The following DYNC1LI1 variants were observed in gnomAD, a reference collection of about 807,000 sequenced individuals.
The protein encoded by DYNC1LI1 is dynein cytoplasmic 1 light intermediate chain 1.
Under a neutral mutation model 63.8 loss-of-function variants are expected in DYNC1LI1, and 19 were observed. That is an observed-to-expected ratio of 0.30 (90% confidence interval 0.21 to 0.44). DYNC1LI1 has a LOEUF of 0.44. Among genes scored for constraint, DYNC1LI1 ranks in the 20% least tolerant of loss-of-function variants. The probability of loss-of-function intolerance (pLI) is 1.00; values close to 1 mark genes in which losing one functional copy is unlikely to be tolerated. For missense variants in DYNC1LI1, 565 were observed against 630.2 expected (o/e 0.90, Z 1.11); for synonymous variants, 225 against 232.3 (o/e 0.97, Z 0.28).
In DYNC1LI1 at chr3:32,545,638, C is replaced by T. The variant is rs919369991; in HGVS notation, c.337+211G>A. ...GTATGGTAGGAAAGAAGTATCTGCA[C>T]ACCAGGATACCTTAAGATGCTTAAA... On this transcript the variant is annotated intron_variant, in intron 3 of 12. Transcript: ENST00000273130. 1.5e-5 allele frequency: 8 copies of T among 536,072 alleles called. No homozygotes were observed. The Admixed American group carries it at 1.8e-4, about 12-fold the overall frequency. 33.2% of individuals were successfully genotyped at this position (536,072 alleles called of 1,614,324 possible). A position where few individuals can be genotyped will look rare whatever the true frequency, so the allele number is the denominator to read the frequency against.
Position 32,570,365 on chromosome 3 carries a change from C to T in DYNC1LI1, c.201G>A (p.Gly67=), listed in dbSNP as rs1698329904. ...ACTTACCCAGCAGTAGCACGTTCTTCCCCGCAGGGAGCTTGGAGCGCGAGC... is the reference window on the plus strand; with the variant it reads ...ACTTACCCAGCAGTAGCACGTTCTTTCCCGCAGGGAGCTTGGAGCGCGAGC... The part of the protein sequence containing the change: ...STRSRSKLPA[G]KNVLLLGEDG... The change falls in exon 2 of 13, where the codon GGG becomes GGA. Residue 67 remains glycine, a synonymous_variant. Coordinates refer to ENST00000273130, the MANE Select transcript of DYNC1LI1 (RefSeq NM_016141.4). 8 of 1,604,268 alleles carry T rather than the reference C, an allele frequency of 5.0e-6. No homozygotes were observed. The highest frequency in any genetic ancestry group is 6.8e-6 in the Non-Finnish European group (8 of 1,176,232).
intron 7 of DYNC1LI1, among the ~76,000 whole-genome samples, chr3:32,533,392 G>A (rs1478628266): frequency 1.3e-5 from 2 of 152,112 alleles, no homozygotes; most frequent in East Asian, 1.9e-4. Flanking sequence ...CAGGAGAATC[G>A]CTTGAGCCTG....
intron 5 of DYNC1LI1, among the ~76,000 whole-genome samples, chr3:32,537,983 A>AATATATATATAATTTATATAT (rs1697811546): frequency 1.7e-4 from 4 of 23,422 alleles, no homozygotes; most frequent in African/African-American, 2.8e-4. Context: ...TTTATATATA[A>AATATATATATAATTTATATAT]TATATATATA....
intron 2 of DYNC1LI1, among the ~76,000 whole-genome samples, chr3:32,558,402 G>GT (rs1382678132): frequency 5.9e-5 from 3 of 51,180 alleles, no homozygotes; most frequent in South Asian, 5.7e-4. Flanking sequence ...CTTTAAAAAT[G>GT]TAAAAAAAAA....
intron 6 of DYNC1LI1, among the ~76,000 whole-genome samples, chr3:32,535,885 G>A (rs544821577): frequency 1.8e-4 from 28 of 152,194 alleles, no homozygotes; most frequent in Non-Finnish European, 4.4e-5. Context: ...ACATTTTTAA[G>A]TATAGCATTA....
In DYNC1LI1 at chr3:32,534,493, A is replaced by G; in HGVS notation, c.968+18T>C. 6.5e-7 allele frequency: 1 copy of G among 1,531,788 alleles called. No homozygotes were observed. Among genetic ancestry groups the G allele is most frequent in the Non-Finnish European group, 8.9e-7 (1 of 1,123,896 alleles). 94.9% of individuals were successfully genotyped at this position (1,531,788 alleles called of 1,614,324 possible). A position where few individuals can be genotyped will look rare whatever the true frequency, so the allele number is the denominator to read the frequency against. ...GCAATAATACATGATAAAATTATATATTTAAGAGTACACTTACATAAATAC... is the reference window on the plus strand; with the variant it reads ...GCAATAATACATGATAAAATTATATGTTTAAGAGTACACTTACATAAATAC... On this transcript the variant is annotated intron_variant, in intron 7 of 12. Transcript: ENST00000273130.
intron 2 of DYNC1LI1, among the ~76,000 whole-genome samples, chr3:32,546,762 G>A (rs1319447464): frequency 6.6e-6 from 1 of 152,100 alleles, no homozygotes; most frequent in Admixed American, 6.6e-5. Flanking sequence ...GTGACCTTTA[G>A]CAGAACCATG....
intron 6 of DYNC1LI1, among the ~76,000 whole-genome samples, chr3:32,536,425 A>G (rs571557673): frequency 6.6e-6 from 1 of 152,120 alleles, no homozygotes; most frequent in African/African-American, 2.4e-5. Context: ...TTTTCTCCCT[A>G]TTTTAGCTGT....
Position 32,570,836 on chromosome 3 carries a change from G to T in DYNC1LI1, c.-66C>A. ...GCGAGGCGGCTGAGGCGGTGGCGGTGGAGGCGGCGGGAACCCGGATATGGG... is the reference window on the plus strand; with the variant it reads ...GCGAGGCGGCTGAGGCGGTGGCGGTTGAGGCGGCGGGAACCCGGATATGGG... On this transcript the variant is annotated 5_prime_UTR_variant, in exon 1 of 13. Transcript: ENST00000273130. 1.3e-6 allele frequency: 2 copies of T among 1,532,940 alleles called. No individual in the cohort carries two copies. The highest frequency in any genetic ancestry group is 2.5e-5 in the East Asian group (1 of 40,702). 95.0% of individuals were successfully genotyped at this position (1,532,940 alleles called of 1,614,324 possible).
At chr3:32,557,829 T>C (rs1156342483) in intron 2 of DYNC1LI1, among the ~76,000 whole-genome samples, 1 of 152,208 alleles carries the variant, frequency 6.6e-6, no homozygotes, top group Non-Finnish European at 1.5e-5. Context: ...GCTTTAAGAC[T>C]GGCAGCCAAA....
chr3:32,565,047 G>A (rs1457439769), intron 2 of DYNC1LI1, among the ~76,000 whole-genome samples: 5 of 152,136 alleles, frequency 3.3e-5, no homozygotes, highest in African/African-American at 1.2e-4. Flanking sequence ...ACTTTTGGCT[G>A]CATATTACCG....
At chr3:32,563,073 A>C (rs1559445083) in intron 2 of DYNC1LI1, among the ~76,000 whole-genome samples, 1 of 152,064 alleles carries the variant, frequency 6.6e-6, no homozygotes. Flanking sequence ...TCTTCCCCAC[A>C]GGAGATTATA....
chr3:32,527,950 G>A (rs1221426308), intron 12 of DYNC1LI1, among the ~76,000 whole-genome samples: 5 of 150,920 alleles, frequency 3.3e-5, no homozygotes, highest in African/African-American at 7.3e-5. Context: ...GTGAAACACC[G>A]TTTCTACTAA....
chr3:32,535,789 C>T (rs1433583840), intron 6 of DYNC1LI1, among the ~76,000 whole-genome samples: 1 of 152,136 alleles, frequency 6.6e-6, no homozygotes, highest in African/African-American at 2.4e-5. Flanking sequence ...GATGACTTCT[C>T]ACATTTTGTA....
intron 2 of DYNC1LI1, among the ~76,000 whole-genome samples, chr3:32,546,406 T>TGAA (rs1697953699): frequency 6.6e-6 from 1 of 151,570 alleles, no homozygotes; most frequent in Non-Finnish European, 1.5e-5. Flanking sequence ...AGACTCTGTC[T>TGAA]GAAGAAAAAA....
intron 12 of DYNC1LI1, among the ~76,000 whole-genome samples, chr3:32,527,253 C>T (rs1371001319): frequency 6.6e-6 from 1 of 152,128 alleles, no homozygotes; most frequent in East Asian, 1.9e-4. Flanking sequence ...GCTGAGATCA[C>T]ACCACTGCAC....
In DYNC1LI1 at chr3:32,538,010, T is replaced by TATATATATAATTTATATATATA. The variant is rs1559436433; in HGVS notation, c.739-907_739-906insTATATATATAAATTATATATAT. ...ATATATATATAATTTATATATATAA[T>TATATATATAATTTATATATATA]ATATATATATAATTTATATATATAA... On this transcript the variant is annotated intron_variant, in intron 5 of 12. Transcript: ENST00000273130. Among the ~76,000 whole-genome samples, 5 of 20,974 alleles carry TATATATATAATTTATATATATA rather than the reference T, an allele frequency of 2.4e-4. 1 individual carries two copies. Among genetic ancestry groups the TATATATATAATTTATATATATA allele is most frequent in the East Asian group, 1.9e-3 (1 of 540 alleles). 13.8% of individuals were successfully genotyped at this position (20,974 alleles called of 152,430 possible). A position where few individuals can be genotyped will look rare whatever the true frequency, so the allele number is the denominator to read the frequency against.
intron 2 of DYNC1LI1, among the ~76,000 whole-genome samples, chr3:32,557,606 T>G (rs541924432): frequency 6.6e-6 from 1 of 152,076 alleles, no homozygotes; most frequent in East Asian, 1.9e-4. Flanking sequence ...GCAAACAATT[T>G]TAAAAATTAA....
At chr3:32,530,415 T>C in intron 9 of DYNC1LI1, 46 bp downstream of exon 9, 1 of 1,604,750 alleles carries the variant, frequency 6.2e-7, no homozygotes, top group Non-Finnish European at 8.5e-7. Context: ...ACAAGAACAG[T>C]TTACCCATTA....
Sources: allele counts gnomAD v4.1 joint callset (sites outside exome capture counted in the v4.1 genomes callset), GRCh38; gene constraint gnomAD v4.1.1; transcripts MANE v1.5; gene names NCBI Gene and HGNC (gene_info 2026-07-23, HGNC 2026-07-21).